The following ANO3 variants were observed in gnomAD, a reference collection of about 807,000 sequenced individuals.
ANO3 encodes anoctamin 3.
ANO3 carries 99 observed loss-of-function variants against 144.8 expected under a neutral mutation model. That is an observed-to-expected ratio of 0.68 (90% confidence interval 0.58 to 0.81). The LOEUF is 0.81. Among genes scored for constraint, ANO3 ranks in the 30% least tolerant of loss-of-function variants. ANO3 has a pLI of 0.00. For missense variants in ANO3, 905 were observed against 1,202.2 expected (o/e 0.75, Z 3.66); for synonymous variants, 414 against 392.6 (o/e 1.05, Z -0.64).
chr11:26,381,481 A>G (rs932063982), intron 1 of ANO3, among the ~76,000 whole-genome samples: 36 of 152,244 alleles, frequency 2.4e-4, no homozygotes, highest in African/African-American at 6.7e-4. Context: ...CATTTACATT[A>G]TATCCCATCC....
At chr11:26,565,982 A>C in intron 14 of ANO3, 1 of 1,262,520 alleles carries the variant, frequency 7.9e-7, no homozygotes, top group Admixed American at 3.1e-5. Context: ...AGTGATAAAA[A>C]TCTAGACATA....
intron 14 of ANO3, among the ~76,000 whole-genome samples, chr11:26,583,991 C>T (rs1403324640): frequency 6.6e-6 from 1 of 152,180 alleles, no homozygotes; most frequent in African/African-American, 2.4e-5. Flanking sequence ...TGACCCCTTT[C>T]CCTGACCCCT....
chr11:26,488,944 G>C (rs1368996359), intron 4 of ANO3, among the ~76,000 whole-genome samples: 1 of 152,072 alleles, frequency 6.6e-6, no homozygotes, highest in Non-Finnish European at 1.5e-5. Flanking sequence ...AGTGCTGATT[G>C]GTATGTTTTT....
intron 1 of ANO3, among the ~76,000 whole-genome samples, chr11:26,193,501 T>G (rs926410316): frequency 6.6e-6 from 1 of 152,200 alleles, no homozygotes; most frequent in Non-Finnish European, 1.5e-5. Flanking sequence ...TGTATCTTAC[T>G]TCCACATTCT....
At chr11:26,385,293 T>A (rs919913938) in intron 1 of ANO3, among the ~76,000 whole-genome samples, 2 of 152,164 alleles carry the variant, frequency 1.3e-5, no homozygotes, top group African/African-American at 4.8e-5. Flanking sequence ...AACTGTGAGA[T>A]CCTTTGGTAG....
At chr11:26,387,080 CAGAGAGAAAGAG>C (rs1443689527) in intron 1 of ANO3, among the ~76,000 whole-genome samples, 3 of 146,574 alleles carry the variant, frequency 2.0e-5, no homozygotes, top group Non-Finnish European at 4.5e-5. Flanking sequence ...GGGTAAGAGA[CAGAGAGAAAGAG>C]AGAGAGAGAG....
At chr11:26,470,602 A>T (rs1256996811) in intron 4 of ANO3, among the ~76,000 whole-genome samples, 1 of 151,980 alleles carries the variant, frequency 6.6e-6, no homozygotes, top group Non-Finnish European at 1.5e-5. Flanking sequence ...TCTCTAAACT[A>T]TTTAAGGATA....
chr11:26,266,786 T>TG (rs1853318672), intron 1 of ANO3, among the ~76,000 whole-genome samples: 1 of 151,290 alleles, frequency 6.6e-6, no homozygotes, highest in African/African-American at 2.4e-5. Flanking sequence ...GGCAAGTATT[T>TG]GAAAAAGACT....
At chr11:26,361,347 G>A (rs1425772019) in intron 1 of ANO3, among the ~76,000 whole-genome samples, 1 of 152,080 alleles carries the variant, frequency 6.6e-6, no homozygotes, top group Non-Finnish European at 1.5e-5. Context: ...GTCCTATATG[G>A]TAGCAGAACA....
chr11:26,314,787 C>A (rs1433049051), intron 1 of ANO3, among the ~76,000 whole-genome samples: 1 of 152,060 alleles, frequency 6.6e-6, no homozygotes, highest in Non-Finnish European at 1.5e-5. Context: ...TTAGTAATGA[C>A]TTAATAGGTT....
chr11:26,368,581 G>T (rs1393509528), intron 1 of ANO3, among the ~76,000 whole-genome samples: 2 of 151,996 alleles, frequency 1.3e-5, no homozygotes, highest in African/African-American at 4.8e-5. Context: ...AAGGGTGGGG[G>T]AGAAGAAGGG....
intron 4 of ANO3, 43 bp from the exon 5 acceptor site, chr11:26,508,061 C>T: frequency 1.3e-6 from 2 of 1,534,238 alleles, no homozygotes; most frequent in Non-Finnish European, 8.7e-7. Flanking sequence ...AACATACATG[C>T]TTGTCTAACC....
rs990384291 is a variant in ANO3 at position 26,601,337 on chromosome 11, A to C, written c.1836+1623A>C. ...TTAACTTTAAAACAATAATCAGAGA[A>C]GATCTTAAGAGAAAAGTGAACAGTC... On this transcript the variant is annotated intron_variant, in intron 17 of 26. Coordinates refer to ENST00000256737, the MANE Select transcript of ANO3 (RefSeq NM_031418.4). Among the ~76,000 whole-genome samples, 7 of 152,226 alleles carry C rather than the reference A, an allele frequency of 4.6e-5. No homozygotes were observed. The East Asian group carries it at 1.3e-3, about 29-fold the overall frequency.
intron 1 of ANO3, among the ~76,000 whole-genome samples, chr11:26,251,367 T>C (rs1852923364): frequency 6.6e-6 from 1 of 152,146 alleles, no homozygotes; most frequent in Non-Finnish European, 1.5e-5. Context: ...GGCTTTGAAA[T>C]CCAATGCAAT....
chr11:26,608,950 A>T (rs1852012254), intron 17 of ANO3, among the ~76,000 whole-genome samples: 1 of 152,204 alleles, frequency 6.6e-6, no homozygotes, highest in Non-Finnish European at 1.5e-5. Context: ...AGGCACCTGC[A>T]GCTGTGGTGC....
At chr11:26,525,829 A>G in intron 7 of ANO3, 150 bp downstream of exon 7, 4 of 591,898 alleles carry the variant, frequency 6.8e-6, no homozygotes, top group Non-Finnish European at 1.2e-5. Context: ...ACTTATGCCA[A>G]ATCGAATAAC....
chr11:26,189,550 A>C (rs2133901183), intron 1 of ANO3, among the ~76,000 whole-genome samples: 1 of 152,296 alleles, frequency 6.6e-6, no homozygotes, highest in African/African-American at 2.4e-5. Context: ...AAATGTCAGA[A>C]AACAAAGTCA....
chr11:26,639,063 G>T, intron 20 of ANO3, 81 bp from the exon 21 acceptor site: 1 of 926,918 alleles, frequency 1.1e-6, no homozygotes, highest in Admixed American at 1.9e-5. Flanking sequence ...TTTAAAATTT[G>T]CTGTACAATT....
chr11:26,292,216 G>T (rs1853975304), intron 1 of ANO3, among the ~76,000 whole-genome samples: 2 of 152,130 alleles, frequency 1.3e-5, no homozygotes, highest in South Asian at 4.1e-4. Context: ...ACTGACACTT[G>T]TGCATGCATC....
Sources: gnomAD v4.1 joint callset for allele counts (sites outside exome capture counted in the v4.1 genomes callset) on GRCh38, gnomAD v4.1.1 for gene constraint, MANE v1.5 for transcripts, NCBI Gene and HGNC (gene_info 2026-07-23, HGNC 2026-07-21) for gene names.